The following MANBA variants were observed in gnomAD, a reference collection of about 807,000 sequenced individuals.
The protein encoded by MANBA is mannosidase beta, also known as beta-mannosidase.
MANBA carries 83 observed loss-of-function variants against 111.1 expected under a neutral mutation model. The ratio of observed to expected loss-of-function variants is 0.75; its 90% CI spans 0.63 to 0.90. The LOEUF (loss-of-function observed/expected upper bound fraction) is 0.90. MANBA is among the 40% of genes least tolerant of loss of function. The pLI is 0.00. For missense variants in MANBA, 1,036 were observed against 1,069.0 expected (o/e 0.97, Z 0.43); for synonymous variants, 370 against 378.7 (o/e 0.98, Z 0.27).
chr4:102,722,476 C>T (rs1245704924), intron 4 of MANBA: 1 of 245,632 alleles, frequency 4.1e-6, no homozygotes, highest in Non-Finnish European at 8.1e-6. Flanking sequence ...CAGTAAGATG[C>T]AAGAACATAT....
chr4:102,681,401 T>C (rs1427431101), intron 7 of MANBA: 1 of 152,180 alleles, frequency 6.6e-6, no homozygotes, highest in Non-Finnish European at 1.5e-5. Context: ...TACTAAAGCA[T>C]ACCACTGATG....
intron 7 of MANBA, among the ~76,000 whole-genome samples, chr4:102,677,681 T>G (rs1731786754): frequency 6.6e-6 from 1 of 152,158 alleles, no homozygotes; most frequent in South Asian, 2.1e-4. Context: ...CTGTGTGAGG[T>G]CAGATTTCCT....
chr4:102,714,651 T>C (rs1278754182), intron 4 of MANBA, 90 bp from the exon 5 acceptor site: 20 of 1,311,068 alleles, frequency 1.5e-5, no homozygotes, highest in Non-Finnish European at 2.2e-5. Flanking sequence ...ATGTTACATA[T>C]GTGTATATAA....
chr4:102,635,468 A>G (rs1397692907), intron 15 of MANBA, among the ~76,000 whole-genome samples: 1 of 152,180 alleles, frequency 6.6e-6, no homozygotes, highest in Non-Finnish European at 1.5e-5. Flanking sequence ...CGCATTCTGA[A>G]TAGTTTTACT....
intron 5 of MANBA, among the ~76,000 whole-genome samples, chr4:102,705,732 T>G (rs1047967519): frequency 1.2e-4 from 18 of 152,256 alleles, no homozygotes; most frequent in African/African-American, 4.3e-4. Flanking sequence ...AGCTCCCACA[T>G]GCACCACTAG....
chr4:102,743,524 T>C (rs1222781964), intron 1 of MANBA, among the ~76,000 whole-genome samples: 2 of 152,138 alleles, frequency 1.3e-5, no homozygotes, highest in East Asian at 3.9e-4. Flanking sequence ...CAACTGATAA[T>C]AGGGAACTCC....
intron 11 of MANBA, chr4:102,663,145 T>A (rs922622158): frequency 6.6e-6 from 1 of 152,096 alleles, no homozygotes; most frequent in Non-Finnish European, 1.5e-5. Flanking sequence ...AGAAATGTGT[T>A]GTCCCCTGCC....
At chr4:102,649,206 C>T (rs563265209) in intron 13 of MANBA, among the ~76,000 whole-genome samples, 24 of 152,252 alleles carry the variant, frequency 1.6e-4, no homozygotes, top group African/African-American at 5.5e-4. Flanking sequence ...AATAATGCTG[C>T]TATGAACATT....
rs1729351961 is a variant in MANBA, at chr4:102,630,999, T to G, written c.*1058A>C. The G allele has an allele frequency of 1.3e-5, 2 of 152,270 alleles. No individual in the cohort carries two copies. Among genetic ancestry groups the G allele is most frequent in the Admixed American group, 1.3e-4 (2 of 15,286 alleles). The allele number at this position is 152,270 out of a possible 1,614,324, so 9.4% of individuals were successfully genotyped here. A position where few individuals can be genotyped will look rare whatever the true frequency, so the allele number is the denominator to read the frequency against. On this transcript the variant is annotated 3_prime_UTR_variant, in exon 17 of 17. Transcript: ENST00000647097. ...AGTCCTCCCTGCCTCGCAGCAATGC[T>G]TTGCTAAAACAGGATTTACAATAGT...
intron 10 of MANBA, chr4:102,667,632 CTAGAGT>C (rs1420442940): frequency 6.6e-6 from 1 of 152,106 alleles, no homozygotes; most frequent in East Asian, 1.9e-4. Flanking sequence ...TGACATCATA[CTAGAGT>C]TATAGATACA....
At chr4:102,635,102 G>A (rs546915707) in intron 15 of MANBA, 57 bp from the exon 16 acceptor site, 6 of 1,579,228 alleles carry the variant, frequency 3.8e-6, no homozygotes, top group Non-Finnish European at 5.2e-6. Context: ...TGTTTTTAAG[G>A]AACAATAGTA....
chr4:102,655,205 A>C (rs1268160444), intron 12 of MANBA, among the ~76,000 whole-genome samples: 1 of 152,182 alleles, frequency 6.6e-6, no homozygotes, highest in Non-Finnish European at 1.5e-5. Flanking sequence ...ATGTTCATGC[A>C]TCAGAAGATT....
chr4:102,727,084 T>C (rs1722839789), intron 1 of MANBA, among the ~76,000 whole-genome samples: 1 of 152,192 alleles, frequency 6.6e-6, no homozygotes, highest in Non-Finnish European at 1.5e-5. Flanking sequence ...GCCTACAGTT[T>C]ATCTTGTGTA....
chr4:102,744,816 A>G (rs1015954567), intron 1 of MANBA, among the ~76,000 whole-genome samples: 3 of 152,134 alleles, frequency 2.0e-5, no homozygotes, highest in Admixed American at 1.3e-4. Flanking sequence ...AATCTCCACA[A>G]TCCCTCCATG....
At chr4:102,649,804 ACT>A (rs748489308) in intron 13 of MANBA, among the ~76,000 whole-genome samples, 40 of 151,404 alleles carry the variant, frequency 2.6e-4, no homozygotes, top group Non-Finnish European at 3.7e-4. Flanking sequence ...CTATATAAAA[ACT>A]CTCACCTATC....
chr4:102,739,202 G>C (rs1321822190), intron 1 of MANBA, among the ~76,000 whole-genome samples: 2 of 152,176 alleles, frequency 1.3e-5, no homozygotes, highest in Admixed American at 6.5e-5. Flanking sequence ...AGGAAACCTA[G>C]AGGAAATGGA....
Position 102,752,030 on chromosome 4 carries a change from A to C in MANBA, c.177+8688T>G. 4.0e-6 allele frequency: 3 copies of C among 747,622 alleles called. No individual in the cohort carries two copies. The Admixed American group carries it at 5.2e-5, about 13-fold the overall frequency. The allele number at this position is 747,622 out of a possible 1,614,324, so 46.3% of individuals were successfully genotyped here. A position where few individuals can be genotyped will look rare whatever the true frequency, so the allele number is the denominator to read the frequency against. ...AAATTTTGTAGTGGCTCCTGGGATA[A>C]GATGCTAAAGATCTGGTCTACAGTC... is the stretch of plus-strand genomic sequence containing the variant. On this transcript the variant is annotated intron_variant, in intron 1 of 16. Coordinates refer to ENST00000647097, the MANE Select transcript of MANBA (RefSeq NM_005908.4).
chr4:102,660,867 T>C (rs1289364615), intron 11 of MANBA, among the ~76,000 whole-genome samples: 1 of 151,738 alleles, frequency 6.6e-6, no homozygotes. Flanking sequence ...GGTTTCCTTG[T>C]TTAGAACCTC....
chr4:102,683,681 CA>C (rs1250289836), intron 7 of MANBA, among the ~76,000 whole-genome samples: 1 of 152,110 alleles, frequency 6.6e-6, no homozygotes, highest in African/African-American at 2.4e-5. Context: ...CACTTATACA[CA>C]AAACTTTTTC....
Sources: allele counts gnomAD v4.1 joint callset (sites outside exome capture counted in the v4.1 genomes callset), GRCh38; gene constraint gnomAD v4.1.1; transcripts MANE v1.5; gene names NCBI Gene and HGNC (gene_info 2026-07-23, HGNC 2026-07-21).